Variants in CDC14B observed in about 807,000 individuals in gnomAD.
CDC14B encodes the protein dual specificity protein phosphatase CDC14B.
CDC14B carries 22 observed loss-of-function variants against 64.2 expected under a neutral mutation model. The observed-to-expected ratio is 0.34, with a 90% CI of 0.24 to 0.49. The LOEUF (loss-of-function observed/expected upper bound fraction) is 0.49, where lower values mean the gene tolerates loss of function less well. Among genes scored for constraint, CDC14B ranks in the 20% least tolerant of loss-of-function variants. CDC14B has a pLI of 0.99. For missense variants in CDC14B, 498 were observed against 629.9 expected (o/e 0.79, Z 2.24); for synonymous variants, 191 against 215.8 (o/e 0.89, Z 1.01).
chr9:96,597,542 A>G (rs1260302810), intron 1 of CDC14B, among the ~76,000 whole-genome samples: 1 of 151,928 alleles, frequency 6.6e-6, no homozygotes, highest in Non-Finnish European at 1.5e-5. Flanking sequence ...TCTTTAAAGT[A>G]TTCAAAGAAA....
At chr9:96,609,996 G>T (rs1847204984) in intron 1 of CDC14B, among the ~76,000 whole-genome samples, 1 of 152,096 alleles carries the variant, frequency 6.6e-6, no homozygotes, top group Non-Finnish European at 1.5e-5. Context: ...TTCTCTAAGA[G>T]AACTGCTCCT....
intron 1 of CDC14B, among the ~76,000 whole-genome samples, chr9:96,602,830 C>T (rs774583409): frequency 5.3e-5 from 8 of 152,042 alleles, no homozygotes; most frequent in Admixed American, 1.3e-4. Context: ...TCTCTCTCTG[C>T]GTTCTTTTTT....
At chr9:96,571,831 G>GT (rs906628180) in intron 1 of CDC14B, among the ~76,000 whole-genome samples, 12 of 152,268 alleles carry the variant, frequency 7.9e-5, no homozygotes, top group African/African-American at 2.9e-4. Flanking sequence ...ACTGTGAGCT[G>GT]TAAGACCCTC....
chr9:96,618,486 C>T (rs1192866779), intron 1 of CDC14B: 1 of 533,372 alleles, frequency 1.9e-6, no homozygotes, highest in Admixed American at 1.9e-5. Flanking sequence ...CGAAGGGCTG[C>T]TTGGCTACCT....
At chr9:96,556,625 C>T (rs16911269) in intron 4 of CDC14B, among the ~76,000 whole-genome samples, 4 of 151,872 alleles carry the variant, frequency 2.6e-5, no homozygotes, top group Non-Finnish European at 5.9e-5. Flanking sequence ...TCCTCAATTT[C>T]GACAAAATGA....
At chr9:96,523,121 A>G in intron 11 of CDC14B, 140 bp downstream of exon 11, 1 of 894,854 alleles carries the variant, frequency 1.1e-6, no homozygotes, top group Non-Finnish European at 1.7e-6. Context: ...AAAAGTGCCT[A>G]GAGAGGGTTA....
At chr9:96,548,273 C>G (rs1841283466) in intron 5 of CDC14B, among the ~76,000 whole-genome samples, 1 of 151,962 alleles carries the variant, frequency 6.6e-6, no homozygotes, top group African/African-American at 2.4e-5. Flanking sequence ...CTCAAGAAAA[C>G]AGGAAGCAGA....
intron 1 of CDC14B, among the ~76,000 whole-genome samples, chr9:96,608,713 T>C (rs773693887): frequency 1.3e-5 from 2 of 152,294 alleles, no homozygotes; most frequent in Non-Finnish European, 2.9e-5. Flanking sequence ...TTAAATTATA[T>C]CCTCTGGGAT....
chr9:96,582,456 C>G (rs748810639), intron 1 of CDC14B, among the ~76,000 whole-genome samples: 1 of 152,110 alleles, frequency 6.6e-6, no homozygotes, highest in Non-Finnish European at 1.5e-5. Context: ...TCCACTCTAC[C>G]TCTGCCTCTT....
At position 96,619,577 on chromosome 9, in the gene CDC14B, C is replaced by A. The variant is rs982143369; in HGVS notation, c.-199G>T. 6.7e-6 allele frequency: 1 copy of A among 149,432 alleles called. No individual in the cohort carries two copies. Among genetic ancestry groups the A allele is most frequent in the African/African-American group, 2.4e-5 (1 of 40,930 alleles). 9.3% of individuals were successfully genotyped at this position (149,432 alleles called of 1,614,324 possible). On this transcript the variant is annotated 5_prime_UTR_variant, in exon 1 of 14. Transcript: ENST00000375241. The stretch of plus-strand genomic sequence containing the variant: ...GAGGAGCCCGGCCCACAGCGCCTGC[C>A]CCGCTGCCTCCCGCGGCCGCCGCAG...
At chr9:96,583,485 C>T (rs1006698619) in intron 1 of CDC14B, among the ~76,000 whole-genome samples, 7 of 149,772 alleles carry the variant, frequency 4.7e-5, no homozygotes, top group Admixed American at 1.3e-4. Context: ...CAACCTCCAC[C>T]TTCCGGGTTC....
At chr9:96,534,678 G>A (rs1018329667) in intron 7 of CDC14B, 136 bp from the exon 8 acceptor site, 26 of 625,590 alleles carry the variant, frequency 4.2e-5, no homozygotes, top group Non-Finnish European at 6.9e-5. Flanking sequence ...CCATGAGACA[G>A]GAATCTCAAT....
intron 5 of CDC14B, among the ~76,000 whole-genome samples, chr9:96,544,597 C>T (rs1280340860): frequency 2.6e-5 from 4 of 152,152 alleles, no homozygotes; most frequent in African/African-American, 7.2e-5. Context: ...TGGGCTAAAG[C>T]GATCCTCCCA....
chr9:96,519,730 TAA>T (rs59101582), intron 12 of CDC14B, among the ~76,000 whole-genome samples: 1,630 of 111,304 alleles, frequency 0.015, 31 homozygotes, highest in African/African-American at 0.046. Context: ...GACTCTGTCT[TAA>T]AAAAAAAAAA....
intron 4 of CDC14B, among the ~76,000 whole-genome samples, chr9:96,554,399 C>G (rs1842231484): frequency 6.6e-6 from 1 of 152,064 alleles, no homozygotes; most frequent in South Asian, 2.1e-4. Context: ...GATTACAGTT[C>G]TTTGGGTTCT....
chr9:96,574,516 A>G (rs1844675927), intron 1 of CDC14B, among the ~76,000 whole-genome samples: 1 of 152,044 alleles, frequency 6.6e-6, no homozygotes, highest in Non-Finnish European at 1.5e-5. Flanking sequence ...AAAATAACTC[A>G]TATTAGTGAA....
intron 1 of CDC14B, among the ~76,000 whole-genome samples, chr9:96,600,046 A>G (rs1477918464): frequency 6.6e-6 from 1 of 152,126 alleles, no homozygotes; most frequent in East Asian, 1.9e-4. Flanking sequence ...TCTAAATGTA[A>G]CTTTTCTATA....
In CDC14B at chr9:96,523,340, G is replaced by C. The variant is rs753113051; in HGVS notation, c.1166C>G (p.Ala389Gly). The C allele has an allele frequency of 1.2e-6, 2 of 1,614,076 alleles. No homozygotes were observed. Among genetic ancestry groups the C allele is most frequent in the South Asian group, 1.1e-5 (1 of 91,076 alleles). The change falls in exon 11 of 14, where the codon GCC becomes GGC. Residue 389 changes from alanine to glycine, a missense_variant. Ala to Gly is a moderately conservative substitution (Grantham distance 60). Transcript: ENST00000375241. ...AACGCCAGAGAGAAGTTTGGAGAAG[G>C]CTGCTCTGTGTTGTCCATTCTCCTG... The part of the protein sequence containing the change: ...KGQENGQHRA[A>G]FSKLLSGVDD...
chr9:96,611,091 G>GA (rs1235924277), intron 1 of CDC14B, among the ~76,000 whole-genome samples: 2,787 of 117,866 alleles, frequency 0.024, 78 homozygotes, highest in African/African-American at 0.075. Flanking sequence ...AAAAGCTATA[G>GA]AAAAAAAAAA....
Sources: allele counts gnomAD v4.1 joint callset (sites outside exome capture counted in the v4.1 genomes callset), GRCh38; gene constraint gnomAD v4.1.1; transcripts MANE v1.5; gene names NCBI Gene and HGNC (gene_info 2026-07-23, HGNC 2026-07-21).